NUP160: variants seen among roughly 807,000 people sequenced by gnomAD.
The protein encoded by NUP160 is nucleoporin 160.
Under a neutral mutation model 196.9 loss-of-function variants are expected in NUP160, and 94 were observed. That is an observed-to-expected ratio of 0.48 (90% CI 0.40 to 0.57). The LOEUF (loss-of-function observed/expected upper bound fraction) is 0.57, where lower values mean the gene tolerates loss of function less well. Among genes scored for constraint, NUP160 ranks in the 20% least tolerant of loss-of-function variants. The probability of loss-of-function intolerance (pLI) is 0.00; values close to 1 mark genes in which losing one functional copy is unlikely to be tolerated. For synonymous variants in NUP160, 605 were observed against 619.7 expected, an observed-to-expected ratio of 0.98 and a Z score of 0.35; for missense variants, 1,638 against 1,748.3, an observed-to-expected ratio of 0.94 and a Z score of 1.13.
intron 22 of NUP160, among the ~76,000 whole-genome samples, chr11:47,802,143 T>G (rs1405825005): frequency 1.3e-5 from 2 of 152,152 alleles, no homozygotes; most frequent in African/African-American, 4.8e-5. Flanking sequence ...AATTAAAAAG[T>G]AAACATTGGC....
At chr11:47,793,875 G>C (rs563844322) in intron 27 of NUP160, among the ~76,000 whole-genome samples, 1 of 151,184 alleles carries the variant, frequency 6.6e-6, no homozygotes, top group East Asian at 1.9e-4. Context: ...CAAGTAGCCA[G>C]GATTACAGGC....
Position 47,819,475 on chromosome 11 carries a change from C to G in NUP160, c.1278-17G>C. ...GCAACATTACTAGAGACAAAAAAGTCCACCAGTTTATACAGAAATGATCAC... is the reference window on the plus strand; with the variant it reads ...GCAACATTACTAGAGACAAAAAAGTGCACCAGTTTATACAGAAATGATCAC... On this transcript the variant is annotated splice_polypyrimidine_tract_variant and intron_variant, in intron 9 of 35. Transcript: ENST00000378460. 6.4e-7 allele frequency: 1 copy of G among 1,573,722 alleles called. No individual in the cohort carries two copies. The highest frequency in any genetic ancestry group is 8.7e-7 in the Non-Finnish European group (1 of 1,143,406).
intron 3 of NUP160, 31 bp from the exon 4 acceptor site, chr11:47,840,096 A>C (rs758264164): frequency 2.6e-6 from 4 of 1,533,026 alleles, no homozygotes; most frequent in Non-Finnish European, 3.6e-6. Flanking sequence ...AAAATCTATT[A>C]AATCAAAATA....
intron 17 of NUP160, 65 bp downstream of exon 17, chr11:47,811,999 C>T: frequency 6.7e-7 from 1 of 1,502,270 alleles, no homozygotes; most frequent in African/African-American, 1.4e-5. Flanking sequence ...ACATTTTGCT[C>T]CTAAGTGCTT....
chr11:47,829,972 T>C (rs1457712486), intron 7 of NUP160, among the ~76,000 whole-genome samples: 1 of 152,238 alleles, frequency 6.6e-6, no homozygotes, highest in Non-Finnish European at 1.5e-5. Context: ...ACTATGCATC[T>C]GACGAGGGTC....
chr11:47,796,193 A>G (rs559811573), intron 27 of NUP160: 168 of 378,732 alleles, frequency 4.4e-4, no homozygotes, highest in Non-Finnish European at 5.2e-4. Context: ...GCGGAAGCCC[A>G]GACACCAGGA....
intron 27 of NUP160, among the ~76,000 whole-genome samples, chr11:47,794,264 C>T (rs1217646865): frequency 3.9e-5 from 6 of 152,044 alleles, no homozygotes; most frequent in Non-Finnish European, 5.9e-5. Context: ...GAGGCCAAGA[C>T]GGGCGGATCA....
chr11:47,840,230 A>G, intron 3 of NUP160, 148 bp downstream of exon 3: 1 of 846,364 alleles, frequency 1.2e-6, no homozygotes, highest in Non-Finnish European at 2.0e-6. Context: ...ATGCCTGATC[A>G]TTTTAAGCGG....
chr11:47,835,694 C>T (rs1238410208), exon 7 of NUP160: 1 of 1,604,330 alleles, frequency 6.2e-7, no homozygotes, highest in South Asian at 1.1e-5. Context: ...CAGGTAGAGT[C>T]CCATGGTGGG....
exon 11 of NUP160, chr11:47,818,108 C>T: frequency 1.9e-6 from 3 of 1,610,704 alleles, no homozygotes; most frequent in Non-Finnish European, 2.5e-6. Context: ...TGTAAAAAGA[C>T]TTTGCAGATA....
intron 13 of NUP160, 73 bp downstream of exon 13, chr11:47,815,406 T>A: frequency 7.9e-7 from 1 of 1,265,496 alleles, no homozygotes; most frequent in Non-Finnish European, 1.1e-6. Flanking sequence ...ACTTTTTGTT[T>A]TCTGAAGGCA....
chr11:47,799,906 C>T (rs544845181), intron 23 of NUP160, among the ~76,000 whole-genome samples: 9 of 152,262 alleles, frequency 5.9e-5, no homozygotes, highest in Non-Finnish European at 1.2e-4. Context: ...GTATCGCTCA[C>T]GTGTTTGTGG....
intron 2 of NUP160, among the ~76,000 whole-genome samples, chr11:47,846,130 T>C (rs1852397404): frequency 6.8e-6 from 1 of 146,660 alleles, no homozygotes. Flanking sequence ...AGCCAGACTG[T>C]CTCTCAAAAA....
At chr11:47,810,890 A>C (rs1291776395) in intron 17 of NUP160, among the ~76,000 whole-genome samples, 1 of 152,152 alleles carries the variant, frequency 6.6e-6, no homozygotes, top group Non-Finnish European at 1.5e-5. Context: ...ACATTTATAC[A>C]TTTTAAGTCA....
intron 20 of NUP160, among the ~76,000 whole-genome samples, chr11:47,804,993 A>C (rs1272174132): frequency 1.3e-5 from 2 of 152,204 alleles, no homozygotes; most frequent in East Asian, 3.8e-4. Context: ...AATTTTTAAA[A>C]GCCTGTATTT....
intron 34 of NUP160, among the ~76,000 whole-genome samples, chr11:47,782,329 T>A (rs867881366): frequency 0.096 from 5,816 of 60,354 alleles, 922 homozygotes; most frequent in East Asian, 0.13. Flanking sequence ...TATATATATA[T>A]ATATATATAT....
At position 47,787,701 on chromosome 11, in the gene NUP160, C is replaced by T. The variant is rs959388887; in HGVS notation, c.3746+481G>A. 2.0e-5 allele frequency among the ~76,000 whole-genome samples: 3 copies of T among 151,420 alleles called. No homozygotes were observed. The East Asian group carries it at 5.9e-4, about 30-fold the overall frequency. ...TTAGTAGGATTACAGATGTGAGCCA[C>T]TGTGCCTGGCCAAGAAATTCTTCTT... On this transcript the variant is annotated intron_variant, in intron 31 of 35. Coordinates refer to ENST00000378460, the Ensembl canonical transcript of NUP160.
chr11:47,829,272 C>T (rs1025539175), intron 7 of NUP160, among the ~76,000 whole-genome samples: 1 of 152,128 alleles, frequency 6.6e-6, no homozygotes, highest in Admixed American at 6.5e-5. Context: ...ACCACATATA[C>T]AATGGTGACT....
chr11:47,838,382 T>C (rs758057978), intron 4 of NUP160, among the ~76,000 whole-genome samples: 8 of 152,222 alleles, frequency 5.3e-5, no homozygotes, highest in Non-Finnish European at 1.2e-4. Context: ...TCTGGGTTTA[T>C]TCAGCATAAC....
Sources: gnomAD v4.1 joint callset for allele counts (sites outside exome capture counted in the v4.1 genomes callset) on GRCh38, gnomAD v4.1.1 for gene constraint, MANE v1.5 for transcripts, NCBI Gene and HGNC (gene_info 2026-07-23, HGNC 2026-07-21) for gene names.